Variants in MAP3K7 observed in about 807,000 individuals in gnomAD.
The protein encoded by MAP3K7 is mitogen-activated protein kinase kinase kinase 7.
In MAP3K7, 21 loss-of-function variants were observed where a neutral mutation model predicts 84.8. The ratio of observed to expected loss-of-function variants is 0.25; its 90% CI spans 0.18 to 0.36. The LOEUF (loss-of-function observed/expected upper bound fraction) is 0.36, where lower values mean the gene tolerates loss of function less well. Among genes scored for constraint, MAP3K7 ranks in the 10% least tolerant of loss-of-function variants. MAP3K7 has a pLI of 1.00. For missense variants in MAP3K7, 503 were observed against 747.7 expected (o/e 0.67, Z 3.82); for synonymous variants, 241 against 247.7 (o/e 0.97, Z 0.25).
At chr6:90,542,028 T>C (rs1031008404) in intron 12 of MAP3K7, among the ~76,000 whole-genome samples, 5 of 151,970 alleles carry the variant, frequency 3.3e-5, no homozygotes, top group Admixed American at 1.3e-4. Context: ...ATCCTTGCAA[T>C]TGGGTTTTAA....
chr6:90,551,758 C>T, intron 8 of MAP3K7: 1 of 236,004 alleles, frequency 4.2e-6, no homozygotes, highest in South Asian at 1.3e-4. Context: ...TCCCACATTA[C>T]AAATGAGGCA....
chr6:90,562,195 C>A (rs918811960), intron 3 of MAP3K7, among the ~76,000 whole-genome samples: 1 of 152,194 alleles, frequency 6.6e-6, no homozygotes, highest in Admixed American at 6.5e-5. Flanking sequence ...GCATTTCCAA[C>A]TGAGGTACAG....
At chr6:90,582,321 T>C (rs1777301053) in intron 1 of MAP3K7, among the ~76,000 whole-genome samples, 1 of 152,234 alleles carries the variant, frequency 6.6e-6, no homozygotes, top group Non-Finnish European at 1.5e-5. Context: ...GATGGGCATT[T>C]AATTCTTATG....
Position 90,586,962 on chromosome 6 carries a change from G to T in MAP3K7, c.-79C>A. On this transcript the variant is annotated 5_prime_UTR_variant, in exon 1 of 17. Coordinates refer to ENST00000369329, the MANE Select transcript of MAP3K7 (RefSeq NM_145331.3). Reference sequence around the variant, plus strand: ...GTGAGACCCGCGCCCACCCGCCTCCGGACCGACCCTCAGCCTGGAGCCGCG... The same window carrying T: ...GTGAGACCCGCGCCCACCCGCCTCCTGACCGACCCTCAGCCTGGAGCCGCG... 6.9e-7 allele frequency: 1 copy of T among 1,451,280 alleles called. No individual in the cohort carries two copies. The allele number at this position is 1,451,280 out of a possible 1,614,324, so 89.9% of individuals were successfully genotyped here.
intron 6 of MAP3K7, among the ~76,000 whole-genome samples, chr6:90,556,137 G>T (rs1776332030): frequency 6.6e-6 from 1 of 152,212 alleles, no homozygotes; most frequent in South Asian, 2.1e-4. Context: ...CTCAAAATTT[G>T]CACTGCTCAG....
chr6:90,526,685 T>C (rs1394092777), intron 13 of MAP3K7, among the ~76,000 whole-genome samples: 1 of 151,944 alleles, frequency 6.6e-6, no homozygotes, highest in African/African-American at 2.4e-5. Context: ...TAGTAAAAGA[T>C]AGTATTTTGA....
intron 5 of MAP3K7, 115 bp downstream of exon 5, chr6:90,559,961 G>T: frequency 8.7e-7 from 1 of 1,152,592 alleles, no homozygotes; most frequent in Non-Finnish European, 1.2e-6. Flanking sequence ...AAGCCAAATA[G>T]AGAAAAGAGA....
At chr6:90,582,852 G>A (rs1777320698) in intron 1 of MAP3K7, among the ~76,000 whole-genome samples, 1 of 151,188 alleles carries the variant, frequency 6.6e-6, no homozygotes, top group Admixed American at 6.6e-5. Context: ...GACATTTTAA[G>A]GAGGTAATCC....
At chr6:90,581,380 C>T (rs934026749) in intron 1 of MAP3K7, among the ~76,000 whole-genome samples, 2 of 152,050 alleles carry the variant, frequency 1.3e-5, no homozygotes, top group Non-Finnish European at 2.9e-5. Flanking sequence ...GCTGGAAATG[C>T]GGAACAAGAC....
intron 16 of MAP3K7, among the ~76,000 whole-genome samples, chr6:90,518,232 A>G (rs1775033419): frequency 6.6e-6 from 1 of 151,810 alleles, no homozygotes; most frequent in Admixed American, 6.6e-5. Flanking sequence ...AACAACAAGT[A>G]TAAAGCACCA....
At chr6:90,545,507 A>G (rs926456066) in intron 11 of MAP3K7, among the ~76,000 whole-genome samples, 2 of 152,168 alleles carry the variant, frequency 1.3e-5, no homozygotes, top group African/African-American at 4.8e-5. Context: ...ATCTATCCTG[A>G]ACAACATCCC....
At chr6:90,564,971 C>G (rs1041660169) in intron 3 of MAP3K7, among the ~76,000 whole-genome samples, 1 of 152,004 alleles carries the variant, frequency 6.6e-6, no homozygotes, top group Non-Finnish European at 1.5e-5. Context: ...GGGTACGTAA[C>G]GAAATGAAGG....
At chr6:90,567,382 C>A (rs140075155) in intron 3 of MAP3K7, among the ~76,000 whole-genome samples, 10,722 of 152,178 alleles carry the variant, frequency 0.07, 367 homozygotes, top group South Asian at 0.093. Flanking sequence ...AATCAAACAA[C>A]CCCATCAAAA....
At chr6:90,567,273 C>G (rs9359894) in intron 3 of MAP3K7, among the ~76,000 whole-genome samples, 6,051 of 152,076 alleles carry the variant, frequency 0.04, 151 homozygotes, top group African/African-American at 0.066. Flanking sequence ...AGAGTGAACA[C>G]GCAACCTACA....
chr6:90,580,496 T>C (rs949160781), intron 1 of MAP3K7, among the ~76,000 whole-genome samples: 3 of 152,198 alleles, frequency 2.0e-5, no homozygotes, highest in African/African-American at 7.2e-5. Flanking sequence ...TTTTTTAAAA[T>C]TTTTTATAGA....
At chr6:90,531,789 C>G (rs187715261) in intron 13 of MAP3K7, among the ~76,000 whole-genome samples, 1 of 151,764 alleles carries the variant, frequency 6.6e-6, no homozygotes, top group African/African-American at 2.4e-5. Context: ...CCTGCCTCCA[C>G]TAAAAATAAA....
At chr6:90,566,171 A>G (rs157712) in intron 3 of MAP3K7, among the ~76,000 whole-genome samples, 106,352 of 152,050 alleles carry the variant, frequency 0.7, 37,534 homozygotes, top group Middle Eastern at 0.79. Flanking sequence ...GGATGCCCTC[A>G]CTCACCACTC....
intron 9 of MAP3K7, among the ~76,000 whole-genome samples, chr6:90,548,668 A>G (rs1334401781): frequency 1.3e-5 from 2 of 152,036 alleles, no homozygotes; most frequent in Admixed American, 1.3e-4. Flanking sequence ...GTGCAGACAG[A>G]TAAGTGAAGA....
intron 13 of MAP3K7, among the ~76,000 whole-genome samples, chr6:90,535,365 A>G (rs1187309393): frequency 6.6e-6 from 1 of 151,916 alleles, no homozygotes; most frequent in East Asian, 1.9e-4. Flanking sequence ...GATTGTTTAT[A>G]ATATATAAAC....
Sources: allele counts gnomAD v4.1 joint callset (sites outside exome capture counted in the v4.1 genomes callset), GRCh38; gene constraint gnomAD v4.1.1; transcripts MANE v1.5; gene names NCBI Gene and HGNC (gene_info 2026-07-23, HGNC 2026-07-21).